The following SLC35F1 variants were observed in gnomAD, a reference collection of about 807,000 sequenced individuals.
SLC35F1 encodes the protein chromosome 6 open reading frame 169.
A neutral mutation model predicts 48.7 loss-of-function variants in SLC35F1; 14 were observed. That is an observed-to-expected ratio of 0.29 (90% confidence interval 0.19 to 0.45). SLC35F1 has a LOEUF of 0.45. SLC35F1 is among the 20% of genes least tolerant of loss of function. The pLI, the probability that SLC35F1 is intolerant of heterozygous loss-of-function variation, is 1.00. For missense variants in SLC35F1, 404 were observed against 500.0 expected (o/e 0.81, Z 1.83); for synonymous variants, 190 against 202.2 (o/e 0.94, Z 0.51).
At chr6:118,000,197 T>C (rs990523453) in intron 1 of SLC35F1, among the ~76,000 whole-genome samples, 4 of 152,160 alleles carry the variant, frequency 2.6e-5, no homozygotes, top group African/African-American at 9.7e-5. Context: ...GCAAAAATCC[T>C]CAATAAAATA....
At chr6:118,117,519 A>G (rs1348559114) in intron 1 of SLC35F1, among the ~76,000 whole-genome samples, 1 of 152,220 alleles carries the variant, frequency 6.6e-6, no homozygotes, top group Non-Finnish European at 1.5e-5. Flanking sequence ...ATTTGGAGCC[A>G]AGTTTATCAC....
Position 118,202,386 on chromosome 6 carries a change from A to G in SLC35F1, c.350-33123A>G, listed in dbSNP as rs117867756. ...GTGGCACACGCCTGTAGTCCTAGCT[A>G]CTTAGGAGGGTGAGGCAGGAGGATT... On this transcript the variant is annotated intron_variant, in intron 2 of 7. Transcript: ENST00000360388. Among the ~76,000 whole-genome samples the G allele has an allele frequency of 5.7e-3, 869 of 152,178 alleles. 4 individuals carry two copies. The highest frequency in any genetic ancestry group is 9.6e-3 in the Admixed American group (147 of 15,280).
At chr6:118,239,822 A>G (rs1205961438) in intron 3 of SLC35F1, among the ~76,000 whole-genome samples, 1 of 152,216 alleles carries the variant, frequency 6.6e-6, no homozygotes, top group Non-Finnish European at 1.5e-5. Context: ...AGCAAGGAAC[A>G]GGGAAGTAAA....
intron 4 of SLC35F1, among the ~76,000 whole-genome samples, chr6:118,272,824 T>C (rs1013706805): frequency 2.0e-5 from 3 of 148,814 alleles, no homozygotes; most frequent in African/African-American, 7.4e-5. Context: ...TGAGAAAATG[T>C]AGATAATAAT....
At chr6:117,973,934 G>C (rs1470368508) in intron 1 of SLC35F1, among the ~76,000 whole-genome samples, 2 of 152,182 alleles carry the variant, frequency 1.3e-5, no homozygotes, top group African/African-American at 2.4e-5. Context: ...ACTACATCCA[G>C]TGAATCTTGA....
intron 1 of SLC35F1, among the ~76,000 whole-genome samples, chr6:117,965,580 G>A (rs1430393517): frequency 2.6e-5 from 4 of 152,324 alleles, no homozygotes; most frequent in Non-Finnish European, 5.9e-5. Context: ...GGACCATGAG[G>A]TTGATTCCCT....
intron 2 of SLC35F1, among the ~76,000 whole-genome samples, chr6:118,191,675 G>C (rs994042783): frequency 3.9e-5 from 6 of 152,134 alleles, no homozygotes; most frequent in African/African-American, 1.4e-4. Context: ...GGGGTTGAAT[G>C]TCATCAGTGA....
intron 1 of SLC35F1, among the ~76,000 whole-genome samples, chr6:118,023,658 A>C (rs1777427572): frequency 6.6e-6 from 1 of 152,138 alleles, no homozygotes; most frequent in Non-Finnish European, 1.5e-5. Context: ...CTCTGGCCTC[A>C]AGTCCTATAT....
At chr6:118,258,991 T>A (rs1368183992) in intron 3 of SLC35F1, among the ~76,000 whole-genome samples, 1 of 151,838 alleles carries the variant, frequency 6.6e-6, no homozygotes, top group Non-Finnish European at 1.5e-5. Context: ...GAAGTTTTTT[T>A]AAAATGAGCT....
chr6:118,036,004 A>C (rs1456237161), intron 1 of SLC35F1, among the ~76,000 whole-genome samples: 1 of 152,006 alleles, frequency 6.6e-6, no homozygotes, highest in African/African-American at 2.4e-5. Context: ...GGCTTTGTTA[A>C]TTTTTTAAAA....
At chr6:118,313,961 G>A (rs1776400519) in intron 7 of SLC35F1, 67 bp from the exon 8 acceptor site, 1 of 1,441,216 alleles carries the variant, frequency 6.9e-7, no homozygotes. Flanking sequence ...ATGTTTCTGT[G>A]TGCCTCATTA....
intron 7 of SLC35F1, among the ~76,000 whole-genome samples, chr6:118,302,331 T>C (rs1233873287): frequency 1.3e-5 from 2 of 152,182 alleles, no homozygotes; most frequent in African/African-American, 4.8e-5. Context: ...GAGAGCATTC[T>C]AAACTGATTT....
intron 1 of SLC35F1, among the ~76,000 whole-genome samples, chr6:118,099,719 C>A (rs1272764702): frequency 6.6e-6 from 1 of 152,146 alleles, no homozygotes. Flanking sequence ...ACTGTCAGTG[C>A]CATCTGCCTC....
chr6:117,987,933 C>T (rs1057457793), intron 1 of SLC35F1, among the ~76,000 whole-genome samples: 34 of 152,096 alleles, frequency 2.2e-4, no homozygotes, highest in Middle Eastern at 3.4e-3. Flanking sequence ...GTTGTTTTTT[C>T]CAGGAGGCTT....
At chr6:117,936,958 A>G (rs868044461) in intron 1 of SLC35F1, among the ~76,000 whole-genome samples, 4 of 152,212 alleles carry the variant, frequency 2.6e-5, no homozygotes, top group South Asian at 4.1e-4. Context: ...AAAATGCTTT[A>G]TATTAGTTAC....
rs17079987 is a variant in SLC35F1, at chr6:118,293,908, G to A, written c.1002+8570G>A. 9.4e-3 allele frequency among the ~76,000 whole-genome samples: 1,432 copies of A among 152,298 alleles called. 26 individuals carry two copies. Among genetic ancestry groups the A allele is most frequent in the African/African-American group, 0.032 (1,347 of 41,548 alleles). On this transcript the variant is annotated intron_variant, in intron 7 of 7. Transcript: ENST00000360388. Reference sequence around the variant, plus strand: ...GTGAATTAAGCAGCATGGTGTGTCCGAAACAGCATGGACTTCAGAGTCCAA... The same window carrying A: ...GTGAATTAAGCAGCATGGTGTGTCCAAAACAGCATGGACTTCAGAGTCCAA...
chr6:118,165,347 G>A (rs955109960), intron 2 of SLC35F1, among the ~76,000 whole-genome samples: 1 of 152,090 alleles, frequency 6.6e-6, no homozygotes, highest in African/African-American at 2.4e-5. Flanking sequence ...GACAAATGGG[G>A]AAAAATGGTA....
chr6:118,041,590 G>C (rs1166025394), intron 1 of SLC35F1, among the ~76,000 whole-genome samples: 1 of 152,188 alleles, frequency 6.6e-6, no homozygotes, highest in African/African-American at 2.4e-5. Context: ...AAAATGCAAT[G>C]TTTGGTACAA....
intron 3 of SLC35F1, among the ~76,000 whole-genome samples, chr6:118,239,615 A>T (rs962348987): frequency 5.3e-5 from 8 of 151,952 alleles, no homozygotes; most frequent in African/African-American, 1.7e-4. Context: ...TATTCTTAAT[A>T]GCTGGTCCCC....
Sources: gnomAD v4.1 joint callset for allele counts (sites outside exome capture counted in the v4.1 genomes callset) on GRCh38, gnomAD v4.1.1 for gene constraint, MANE v1.5 for transcripts, NCBI Gene and HGNC (gene_info 2026-07-23, HGNC 2026-07-21) for gene names.